CFAP70: variants seen among roughly 807,000 people sequenced by gnomAD.
CFAP70 encodes cilia- and flagella-associated protein 70.
CFAP70 carries 81 observed loss-of-function variants against 137.6 expected under a neutral mutation model. The observed-to-expected ratio is 0.59, with a 90% CI of 0.49 to 0.71. CFAP70 has a LOEUF of 0.71. CFAP70 is among the 30% of genes least tolerant of loss of function. The pLI is 0.00. For missense variants in CFAP70, 976 were observed against 1,226.7 expected (o/e 0.80, Z 3.05); for synonymous variants, 382 against 423.6 (o/e 0.90, Z 1.20).
chr10:73,354,010 T>A (rs1375940762), intron 2 of CFAP70, among the ~76,000 whole-genome samples: 1 of 150,544 alleles, frequency 6.6e-6, no homozygotes, highest in Non-Finnish European at 1.5e-5. Context: ...CTGTGGAACA[T>A]TTTTTTTTCT....
At chr10:73,319,169 T>C (rs976475487) in intron 9 of CFAP70, among the ~76,000 whole-genome samples, 2 of 152,204 alleles carry the variant, frequency 1.3e-5, no homozygotes, top group African/African-American at 4.8e-5. Context: ...AAACTAAACA[T>C]AACGTCTTAA....
rs537254640 is a variant in CFAP70 at position 73,351,367 on chromosome 10, C to T, written c.250+2189G>A. Among the ~76,000 whole-genome samples, 3 of 152,034 alleles carry T rather than the reference C, an allele frequency of 2.0e-5. No individual in the cohort carries two copies. In the South Asian group the frequency reaches 6.2e-4, roughly 32 times the overall value. On this transcript the variant is annotated intron_variant, in intron 3 of 26. Coordinates refer to ENST00000310715, the Ensembl canonical transcript of CFAP70. ...TCTCCTGACCTCGTGATCTGCCCGC[C>T]TTGGCCTCCCAAAGTGCTGGGATTA...
intron 12 of CFAP70, among the ~76,000 whole-genome samples, chr10:73,303,220 C>A (rs115825245): frequency 2.5e-3 from 382 of 150,508 alleles, no homozygotes; most frequent in African/African-American, 8.7e-3. Flanking sequence ...CTATTGTTGC[C>A]ATTCTTTTTT....
intron 9 of CFAP70, among the ~76,000 whole-genome samples, chr10:73,318,105 T>C (rs1236688569): frequency 1.3e-5 from 2 of 152,216 alleles, no homozygotes; most frequent in African/African-American, 4.8e-5. Context: ...TCATCTTTCA[T>C]GCATTCTTGA....
chr10:73,304,653 T>G (rs57404619), intron 12 of CFAP70, among the ~76,000 whole-genome samples: 10,517 of 152,138 alleles, frequency 0.069, 619 homozygotes, highest in East Asian at 0.3. Context: ...GAACTGTAAA[T>G]TTTTTGGAAG....
intron 22 of CFAP70, chr10:73,274,877 A>G (rs919934641): frequency 1.5e-5 from 5 of 327,664 alleles, no homozygotes; most frequent in African/African-American, 1.1e-4. Context: ...TAACCCCAAT[A>G]CTGTTCACAT....
At chr10:73,344,253 TGC>T (rs781599913) in intron 5 of CFAP70, among the ~76,000 whole-genome samples, 2 of 152,104 alleles carry the variant, frequency 1.3e-5, no homozygotes, top group African/African-American at 2.4e-5. Flanking sequence ...CGTGAGCCAC[TGC>T]ACCCCAGCCA....
intron 12 of CFAP70, among the ~76,000 whole-genome samples, chr10:73,308,218 A>G (rs929454748): frequency 6.6e-6 from 1 of 152,118 alleles, no homozygotes; most frequent in African/African-American, 2.4e-5. Context: ...TAACAGACAT[A>G]TATAGAACAT....
chr10:73,253,966 G>C, exon 27 of CFAP70: 1 of 1,600,212 alleles, frequency 6.2e-7, no homozygotes, highest in Non-Finnish European at 8.6e-7. Context: ...TTGTTCAGCT[G>C]GAGGGGTATC....
chr10:73,316,119 G>A (rs187435652), intron 9 of CFAP70, among the ~76,000 whole-genome samples: 79 of 152,018 alleles, frequency 5.2e-4, no homozygotes, highest in African/African-American at 1.9e-3. Flanking sequence ...AAACTATTTT[G>A]TCTGGTATTA....
At chr10:73,327,369 A>G (rs568578730) in intron 8 of CFAP70, among the ~76,000 whole-genome samples, 1 of 148,658 alleles carries the variant, frequency 6.7e-6, no homozygotes, top group South Asian at 2.2e-4. Context: ...TGACAAACCC[A>G]CAGCCAGTAT....
chr10:73,257,808 T>G (rs1249771718), intron 25 of CFAP70, among the ~76,000 whole-genome samples: 1 of 152,160 alleles, frequency 6.6e-6, no homozygotes, highest in Non-Finnish European at 1.5e-5. Flanking sequence ...GAAAAATAAT[T>G]TTTCTGCTAT....
rs1233705805 is a variant in CFAP70, at chr10:73,353,788, A to G, written c.64-46T>C. 6 of 1,575,632 alleles carry G rather than the reference A, an allele frequency of 3.8e-6. No homozygotes were observed. In the African/African-American group the frequency reaches 5.5e-5, roughly 14 times the overall value. On this transcript the variant is annotated intron_variant, in intron 2 of 26. Transcript: ENST00000310715. ...CTTTACAATTATATTCAAATAGAGA[A>G]TTTTCCCACACATCTGGTAACCCAT...
At chr10:73,307,676 C>T (rs2049506022) in intron 12 of CFAP70, among the ~76,000 whole-genome samples, 1 of 152,026 alleles carries the variant, frequency 6.6e-6, no homozygotes, top group African/African-American at 2.4e-5. Flanking sequence ...CATTTATAAA[C>T]ATATACAACA....
chr10:73,344,536 C>G (rs187284092), intron 5 of CFAP70, among the ~76,000 whole-genome samples: 81 of 152,276 alleles, frequency 5.3e-4, no homozygotes, highest in African/African-American at 1.8e-3. Flanking sequence ...GCAAACTGAA[C>G]AGTTGCTACA....
intron 12 of CFAP70, among the ~76,000 whole-genome samples, chr10:73,309,009 G>A (rs1381007306): frequency 2.6e-5 from 4 of 152,050 alleles, no homozygotes; most frequent in Admixed American, 2.6e-4. Flanking sequence ...AAAGCTAGCA[G>A]AAGACATAAT....
intron 20 of CFAP70, 70 bp from the exon 22 acceptor site, chr10:73,277,431 T>C (rs1196161075): frequency 1.9e-6 from 3 of 1,560,732 alleles, no homozygotes; most frequent in African/African-American, 2.7e-5. Flanking sequence ...TCAGACACAT[T>C]CGGGTGGGTG....
At chr10:73,362,475 C>T (rs2055049140), upstream of CFAP70, among the ~76,000 whole-genome samples, 1 of 152,088 alleles carries the variant, frequency 6.6e-6, no homozygotes, top group South Asian at 2.1e-4. Context: ...TTGTAGTTTT[C>T]ATTGTAGAGA....
chr10:73,322,773 GT>G (rs963651492), intron 9 of CFAP70, among the ~76,000 whole-genome samples, 189 bp downstream of exon 10: 6 of 152,040 alleles, frequency 3.9e-5, no homozygotes, highest in Non-Finnish European at 7.4e-5. Context: ...TAGGTTTTCA[GT>G]TTTTGTCCTT....
Sources: gnomAD v4.1 joint callset for allele counts (sites outside exome capture counted in the v4.1 genomes callset) on GRCh38, gnomAD v4.1.1 for gene constraint, MANE v1.5 for transcripts, NCBI Gene and HGNC (gene_info 2026-07-23, HGNC 2026-07-21) for gene names.